SUPT5H: variants seen among roughly 807,000 people sequenced by gnomAD.
SUPT5H encodes the protein transcription elongation factor SPT5.
In SUPT5H, 24 loss-of-function variants were observed where a neutral mutation model predicts 142.5. The observed-to-expected ratio is 0.17, with a 90% CI of 0.12 to 0.24. The LOEUF is 0.24. Among genes scored for constraint, SUPT5H ranks in the 10% least tolerant of loss-of-function variants. The pLI is 1.00. For missense variants in SUPT5H, 893 were observed against 1,471.8 expected (o/e 0.61, Z 6.43); for synonymous variants, 546 against 553.0 (o/e 0.99, Z 0.18).
At position 39,470,085 on chromosome 19, in the gene SUPT5H, C is replaced by T; in HGVS notation, c.1375-34C>T. 4 of 1,603,744 alleles carry T rather than the reference C, an allele frequency of 2.5e-6. No individual in the cohort carries two copies. In the South Asian group the frequency reaches 3.3e-5, roughly 13 times the overall value. On this transcript the variant is annotated intron_variant, in intron 16 of 29. Transcript: ENST00000432763. The surrounding 1 kb of genome is among the most constrained non-coding windows in gnomAD (Gnocchi z 5.8). ...CAGGCAGGTTGTGGTGGTCTCCCTTCACCTGTTTGTTGTCCCCACACCCAA... is the reference window on the plus strand; with the variant it reads ...CAGGCAGGTTGTGGTGGTCTCCCTTTACCTGTTTGTTGTCCCCACACCCAA...
intron 13 of SUPT5H, 120 bp from the exon 14 acceptor site, chr19:39,468,636 A>C (rs928702913): frequency 1.2e-6 from 1 of 805,298 alleles, no homozygotes; most frequent in Non-Finnish European, 2.1e-6. Flanking sequence ...GTGTGCTGGG[A>C]TGGGATGGGT....
chr19:39,463,455 G>A (rs1035131286), intron 10 of SUPT5H, among the ~76,000 whole-genome samples: 6 of 152,090 alleles, frequency 3.9e-5, no homozygotes, highest in African/African-American at 2.4e-5. Context: ...CATTACATAT[G>A]GATGGAGAAT....
At chr19:39,456,360 G>A (rs1273559346) in intron 3 of SUPT5H, among the ~76,000 whole-genome samples, 2 of 151,166 alleles carry the variant, frequency 1.3e-5, no homozygotes, top group Non-Finnish European at 2.9e-5. Flanking sequence ...CTCCTGAGTA[G>A]CTGGGACCAC....
chr19:39,475,854 TGCC>T, intron 28 of SUPT5H: 1 of 569,076 alleles, frequency 1.8e-6, no homozygotes, highest in Non-Finnish European at 3.1e-6. Context: ...GTCTCCTTTT[TGCC>T]TGTTAGCTTC....
rs1461532252 is a variant in SUPT5H at position 39,470,323 on chromosome 19, C to G, written c.1530+49C>G. ...AAGGGTGCACGTGCCAAGAGGAGAC[C>G]CAGGTAGGCGAGCCACCTGGACTGG... is the stretch of plus-strand genomic sequence containing the variant. On this transcript the variant is annotated intron_variant, in intron 17 of 29. Coordinates refer to ENST00000432763, the MANE Select transcript of SUPT5H (RefSeq NM_001111020.3). This position sits in a 1 kb window ranked among gnomAD's most constrained non-coding sequence, Gnocchi z 5.8. The G allele has an allele frequency of 6.5e-7, 1 of 1,541,660 alleles. No individual in the cohort carries two copies. Among genetic ancestry groups the G allele is most frequent in the Non-Finnish European group, 8.8e-7 (1 of 1,138,552 alleles).
rs113169927 is a variant in SUPT5H, at chr19:39,458,231, CCCACCACCACCA to C, written c.308-30_308-19del. The C allele has an allele frequency of 2.3e-4, 309 of 1,364,480 alleles. No individual in the cohort carries two copies. The highest frequency in any genetic ancestry group is 1.3e-3 in the East Asian group (54 of 40,832). The allele number at this position is 1,364,480 out of a possible 1,614,324, so 84.5% of individuals were successfully genotyped here. On this transcript the variant is annotated intron_variant, in intron 4 of 29. Coordinates refer to ENST00000432763, the MANE Select transcript of SUPT5H (RefSeq NM_001111020.3). The surrounding 1 kb of genome is among the most constrained non-coding windows in gnomAD (Gnocchi z 4.2). ...TTGGCTCATACTTTGTCTGCCCTCG[CCCACCACCACCA>C]CCACCACCACCACCACCACCACCAC...
Position 39,470,317 on chromosome 19 carries a change from G to A in SUPT5H, c.1530+43G>A. The A allele has an allele frequency of 1.3e-6, 2 of 1,544,748 alleles. No homozygotes were observed. The highest frequency in any genetic ancestry group is 1.8e-6 in the Non-Finnish European group (2 of 1,139,866). Reference sequence around the variant, plus strand: ...TCGGGGAAGGGTGCACGTGCCAAGAGGAGACCCAGGTAGGCGAGCCACCTG... The same window carrying A: ...TCGGGGAAGGGTGCACGTGCCAAGAAGAGACCCAGGTAGGCGAGCCACCTG... On this transcript the variant is annotated intron_variant, in intron 17 of 29. Coordinates refer to ENST00000432763, the MANE Select transcript of SUPT5H (RefSeq NM_001111020.3). This position sits in a 1 kb window ranked among gnomAD's most constrained non-coding sequence, Gnocchi z 5.8.
chr19:39,473,025 G>A lies in SUPT5H; in HGVS notation c.2169G>A (p.Val723=). 6.2e-7 allele frequency: 1 copy of A among 1,613,874 alleles called. No homozygotes were observed. The highest frequency in any genetic ancestry group is 8.5e-7 in the Non-Finnish European group (1 of 1,179,866). Residue 723 remains valine (V), a synonymous_variant, in exon 23 of 30, where the codon GTG becomes GTA. Coordinates refer to ENST00000432763, the MANE Select transcript of SUPT5H (RefSeq NM_001111020.3). This position sits in a 1 kb window ranked among gnomAD's most constrained non-coding sequence, Gnocchi z 5.8. ...GTCCCCCTGCAGGCTACATCGGTGT[G>A]GTGAAAGATGCCACAGAGTCCACGG... is the stretch of plus-strand genomic sequence containing the variant. ...SQGPYKGYIG[V]VKDATESTAR...
At chr19:39,475,846 C>G in intron 28 of SUPT5H, 1 of 554,356 alleles carries the variant, frequency 1.8e-6, no homozygotes, top group Non-Finnish European at 3.2e-6. Context: ...AAGAAGCAGT[C>G]TCCTTTTTGC....
rs1050647254 is a variant in SUPT5H, at chr19:39,476,667, A to G, written c.*268A>G. The G allele has an allele frequency of 2.1e-6, 1 of 476,400 alleles. No homozygotes were observed. Among genetic ancestry groups the G allele is most frequent in the Non-Finnish European group, 3.8e-6 (1 of 265,552 alleles). 29.5% of individuals were successfully genotyped at this position (476,400 alleles called of 1,614,324 possible). On this transcript the variant is annotated 3_prime_UTR_variant, in exon 30 of 30. Transcript: ENST00000432763. ...TCAATAAAAAGAAGCTGTTTGGTCT[A>G]AAAGTGCGTGTGTGTGTGTGTGTGT...
chr19:39,457,638 C>T, intron 3 of SUPT5H, 37 bp from the exon 4 acceptor site: 2 of 1,606,990 alleles, frequency 1.2e-6, no homozygotes, highest in Non-Finnish European at 1.7e-6. Context: ...GTTATGAGGT[C>T]ACCTTTGCCA....
Position 39,471,707 on chromosome 19 carries a change from C to G in SUPT5H, c.1927C>G (p.Leu643Val). ...GGMFVCKTRH[L>V]VLAGGSKPRD... The stretch of plus-strand genomic sequence containing the variant: ...CATGTTTGTCTGCAAGACCCGCCAC[C>G]TGGTGCTGGCTGGGGGCTCAAAGGT... Residue 643 changes from leucine (L) to valine (V), a missense_variant, in exon 20 of 30, where the codon CTG becomes GTG. By Grantham distance (32) the Leu-to-Val change is conservative. Transcript: ENST00000432763. 1 of 1,614,034 alleles carries G rather than the reference C, an allele frequency of 6.2e-7. No homozygotes were observed. The highest frequency in any genetic ancestry group is 8.5e-7 in the Non-Finnish European group (1 of 1,179,976).
At position 39,469,034 on chromosome 19, in the gene SUPT5H, A is replaced by G. The variant is rs1293151647; in HGVS notation, c.1144-45A>G. ...CCCACTCAGCTGGGCTGTTGCACTG[A>G]CCTCGGTCCATTTCCTTCTCTTCCC... is the stretch of plus-strand genomic sequence containing the variant. On this transcript the variant is annotated intron_variant, in intron 14 of 29. Coordinates refer to ENST00000432763, the MANE Select transcript of SUPT5H (RefSeq NM_001111020.3). This position sits in a 1 kb window ranked among gnomAD's most constrained non-coding sequence, Gnocchi z 5.1. 3 of 1,610,962 alleles carry G rather than the reference A, an allele frequency of 1.9e-6. No homozygotes were observed. Among genetic ancestry groups the G allele is most frequent in the Non-Finnish European group, 8.5e-7 (1 of 1,178,274 alleles).
intron 2 of SUPT5H, among the ~76,000 whole-genome samples, chr19:39,449,787 G>A (rs562520080): frequency 6.6e-6 from 1 of 151,880 alleles, no homozygotes; most frequent in Non-Finnish European, 1.5e-5. Flanking sequence ...TTACAGCGGT[G>A]CGCCACCACA....
At chr19:39,449,554 G>T (rs149731100) in intron 2 of SUPT5H, among the ~76,000 whole-genome samples, 1 of 152,186 alleles carries the variant, frequency 6.6e-6, no homozygotes, top group Non-Finnish European at 1.5e-5. Context: ...GTGATGGAGG[G>T]AGCCCAGAGA....
At position 39,476,244 on chromosome 19, in the gene SUPT5H, C is replaced by T; in HGVS notation, c.3121-12C>T. The T allele has an allele frequency of 6.2e-7, 1 of 1,614,062 alleles. No homozygotes were observed. The highest frequency in any genetic ancestry group is 8.5e-7 in the Non-Finnish European group (1 of 1,180,008). On this transcript the variant is annotated splice_polypyrimidine_tract_variant and intron_variant, in intron 29 of 29. Coordinates refer to ENST00000432763, the MANE Select transcript of SUPT5H (RefSeq NM_001111020.3). ...CTGACATGGACCCTGACCATATTCCCCCCACCCCCAGGTGAAAGTGATCCT... is the reference window on the plus strand; with the variant it reads ...CTGACATGGACCCTGACCATATTCCTCCCACCCCCAGGTGAAAGTGATCCT...
In SUPT5H at chr19:39,473,584, T is replaced by G; in HGVS notation, c.2492+63T>G. The G allele has an allele frequency of 6.5e-7, 1 of 1,543,096 alleles. No homozygotes were observed. Among genetic ancestry groups the G allele is most frequent in the South Asian group, 1.2e-5 (1 of 86,126 alleles). ...TGTGTGTGAGGGATGATGCTGGGTG[T>G]CTGGGGCATTGGAGGGGTTTGTGGG... is the stretch of plus-strand genomic sequence containing the variant. On this transcript the variant is annotated intron_variant, in intron 25 of 29. Transcript: ENST00000432763. The surrounding 1 kb of genome is among the most constrained non-coding windows in gnomAD (Gnocchi z 5.8).
At position 39,473,350 on chromosome 19, in the gene SUPT5H, A is replaced by T; in HGVS notation, c.2386+20A>T. The T allele has an allele frequency of 1.2e-6, 2 of 1,613,604 alleles. No individual in the cohort carries two copies. The highest frequency in any genetic ancestry group is 1.7e-6 in the Non-Finnish European group (2 of 1,179,892). On this transcript the variant is annotated intron_variant, in intron 24 of 29. Transcript: ENST00000432763. This position sits in a 1 kb window ranked among gnomAD's most constrained non-coding sequence, Gnocchi z 5.8. Reference sequence around the variant, plus strand: ...AGGATGGTGAGTGCCCGCAGGGGACAGGGAAGAGGGGCTAGGGGGACCTAG... The same window carrying T: ...AGGATGGTGAGTGCCCGCAGGGGACTGGGAAGAGGGGCTAGGGGGACCTAG...
Position 39,474,404 on chromosome 19 carries a change from T to TAATG in SUPT5H, c.2820+3_2820+6dup. 6.2e-7 allele frequency: 1 copy of TAATG among 1,613,376 alleles called. No individual in the cohort carries two copies. Among genetic ancestry groups the TAATG allele is most frequent in the Non-Finnish European group, 8.5e-7 (1 of 1,179,482 alleles). On this transcript the variant is annotated splice_region_variant and intron_variant, in intron 27 of 29. Transcript: ENST00000432763. This position sits in a 1 kb window ranked among gnomAD's most constrained non-coding sequence, Gnocchi z 6.5. Reference sequence around the variant, plus strand: ...ACACCGTCGCCCATGGCCTATCAGGTAATGGTCTGCCTGCCTGCCCTGAAG... The same window carrying TAATG: ...ACACCGTCGCCCATGGCCTATCAGGTAATGAATGGTCTGCCTGCCTGCCCTGAAG...
Sources: gnomAD v4.1 joint callset for allele counts (sites outside exome capture counted in the v4.1 genomes callset) on GRCh38, gnomAD v4.1.1 for gene constraint, Gnocchi (gnomAD v3.1) non-coding constraint, MANE v1.5 for transcripts, NCBI Gene and HGNC (gene_info 2026-07-23, HGNC 2026-07-21) for gene names.